The following MARK3 variants were observed in gnomAD, a reference collection of about 807,000 sequenced individuals.
MARK3 encodes MAP/microtubule affinity-regulating kinase 3.
MARK3 carries 46 observed loss-of-function variants against 90.1 expected under a neutral mutation model. That is an observed-to-expected ratio of 0.51 (90% CI 0.40 to 0.65). The LOEUF (loss-of-function observed/expected upper bound fraction) is 0.65, where lower values mean the gene tolerates loss of function less well. Among genes scored for constraint, MARK3 ranks in the 30% least tolerant of loss-of-function variants. MARK3 has a pLI of 0.00. For synonymous variants in MARK3, 321 were observed against 332.6 expected (o/e 0.97, Z 0.38); for missense variants, 818 against 947.2 (o/e 0.86, Z 1.79).
At chr14:103,406,035 C>T (rs575586175) in intron 2 of MARK3, among the ~76,000 whole-genome samples, 1 of 152,194 alleles carries the variant, frequency 6.6e-6, no homozygotes, top group East Asian at 1.9e-4. Flanking sequence ...AGACTACAGG[C>T]ATGCACTGCC....
At chr14:103,482,931 C>T (rs1210730095) in intron 14 of MARK3, among the ~76,000 whole-genome samples, 1 of 152,162 alleles carries the variant, frequency 6.6e-6, no homozygotes, top group Non-Finnish European at 1.5e-5. Context: ...TCGTCTTTCT[C>T]TTTAGTCAAA....
At position 103,480,451 on chromosome 14, in the gene MARK3, C is replaced by CTGA. The variant is rs975589756; in HGVS notation, c.1549_1551dup (p.Asp517dup). 8.1e-6 allele frequency: 13 copies of CTGA among 1,612,934 alleles called. No individual in the cohort carries two copies. In the African/African-American group the frequency reaches 1.1e-4, roughly 13 times the overall value. The stretch of plus-strand genomic sequence containing the variant: ...TATGTTTGCAGTGAGAGAACTACAG[C>CTGA]TGATAGACACTCAGTGATTCAGAAT... On this transcript the variant is annotated inframe_insertion, in exon 14 of 18. Coordinates refer to ENST00000429436, the MANE Select transcript of MARK3 (RefSeq NM_001128918.3).
chr14:103,457,608 C>T (rs191194948), intron 6 of MARK3, among the ~76,000 whole-genome samples: 68 of 152,274 alleles, frequency 4.5e-4, no homozygotes, highest in Non-Finnish European at 3.1e-4. Context: ...GTAACTGAAA[C>T]TGTTAATTAG....
chr14:103,405,922 GC>G, intron 2 of MARK3, among the ~76,000 whole-genome samples: 1 of 151,784 alleles, frequency 6.6e-6, no homozygotes, highest in African/African-American at 2.4e-5. Context: ...ACAGGGCCTT[GC>G]CCTGTCACCC....
chr14:103,470,314 C>G (rs748042281), intron 12 of MARK3, among the ~76,000 whole-genome samples: 7 of 152,092 alleles, frequency 4.6e-5, no homozygotes, highest in Admixed American at 6.6e-5. Context: ...TTACCAGGCT[C>G]TACAGTTGCT....
At chr14:103,433,086 TTCTTTTC>T (rs1275177624) in intron 3 of MARK3, among the ~76,000 whole-genome samples, 6 of 26,130 alleles carry the variant, frequency 2.3e-4, no homozygotes, top group Non-Finnish European at 1.2e-3. Context: ...TTCTTTTCTT[TTCTTTTC>T]TTTTTTTTTT....
chr14:103,466,202 A>G, intron 9 of MARK3, 111 bp downstream of exon 9: 6 of 1,407,414 alleles, frequency 4.3e-6, no homozygotes, highest in African/African-American at 1.4e-5. Context: ...TTTTTAAGCA[A>G]GAATTGAAAC....
intron 1 of MARK3, among the ~76,000 whole-genome samples, chr14:103,400,174 T>C (rs1164623504): frequency 6.6e-6 from 1 of 152,074 alleles, no homozygotes; most frequent in African/African-American, 2.4e-5. Flanking sequence ...GGTGATCTGC[T>C]AGCCTTGGCC....
intron 1 of MARK3, among the ~76,000 whole-genome samples, chr14:103,402,730 A>G (rs1044205879): frequency 6.6e-5 from 10 of 152,188 alleles, no homozygotes; most frequent in African/African-American, 2.4e-4. Context: ...AAGAATTGCA[A>G]TTTGGGGCAC....
chr14:103,412,341 T>G, intron 2 of MARK3: 1 of 631,864 alleles, frequency 1.6e-6, no homozygotes, highest in South Asian at 1.8e-5. Flanking sequence ...TTGGCCACCG[T>G]GTTTTCATCG....
chr14:103,428,061 G>A (rs932192409), intron 2 of MARK3, among the ~76,000 whole-genome samples: 3 of 152,056 alleles, frequency 2.0e-5, no homozygotes, highest in African/African-American at 7.2e-5. Flanking sequence ...TTTTACAGGG[G>A]GACCCTTAAT....
intron 14 of MARK3, among the ~76,000 whole-genome samples, chr14:103,488,424 G>A (rs1008918353): frequency 2.0e-5 from 3 of 152,180 alleles, no homozygotes; most frequent in Non-Finnish European, 4.4e-5. Flanking sequence ...TATTGTTGCT[G>A]CAGGAAAAGA....
At chr14:103,423,604 C>T (rs2092302226) in intron 2 of MARK3, among the ~76,000 whole-genome samples, 1 of 152,190 alleles carries the variant, frequency 6.6e-6, no homozygotes, top group African/African-American at 2.4e-5. Flanking sequence ...CCAGTTACCA[C>T]CTCTTTTGGT....
chr14:103,395,669 T>C (rs1202087070), intron 1 of MARK3, among the ~76,000 whole-genome samples: 3 of 152,222 alleles, frequency 2.0e-5, no homozygotes, highest in African/African-American at 7.2e-5. Flanking sequence ...GGTAAATTTT[T>C]AAAATCCTTT....
chr14:103,408,698 T>G (rs555549198), intron 2 of MARK3, among the ~76,000 whole-genome samples: 2 of 152,118 alleles, frequency 1.3e-5, no homozygotes, highest in African/African-American at 4.8e-5. Context: ...TGTAAATATT[T>G]TCATTTCCTG....
intron 12 of MARK3, among the ~76,000 whole-genome samples, chr14:103,470,984 C>T (rs1472628914): frequency 6.6e-6 from 1 of 152,252 alleles, no homozygotes; most frequent in Admixed American, 6.5e-5. Context: ...TCTACAGTGC[C>T]TGCTATTCTA....
intron 2 of MARK3, among the ~76,000 whole-genome samples, chr14:103,415,555 A>G (rs766996675): frequency 7.2e-5 from 11 of 152,186 alleles, no homozygotes; most frequent in East Asian, 1.9e-4. Context: ...CTTTTGACCA[A>G]CTTTTCATAG....
chr14:103,444,604 C>A (rs553026701), intron 3 of MARK3, among the ~76,000 whole-genome samples: 3 of 152,082 alleles, frequency 2.0e-5, no homozygotes, highest in African/African-American at 7.2e-5. Flanking sequence ...TGGTGAAACC[C>A]CGTCTCTACT....
At chr14:103,486,881 C>T (rs2093938746) in intron 14 of MARK3, among the ~76,000 whole-genome samples, 1 of 150,812 alleles carries the variant, frequency 6.6e-6, no homozygotes, top group Non-Finnish European at 1.5e-5. Flanking sequence ...ATTTAATTGC[C>T]TTTAAAATTA....
Sources: gnomAD v4.1 joint callset for allele counts (sites outside exome capture counted in the v4.1 genomes callset) on GRCh38, gnomAD v4.1.1 for gene constraint, MANE v1.5 for transcripts, NCBI Gene and HGNC (gene_info 2026-07-23, HGNC 2026-07-21) for gene names.